NIPBL: variants seen among roughly 807,000 people sequenced by gnomAD.
The protein encoded by NIPBL is NIPBL cohesin loading factor.
Under a neutral mutation model 321.8 loss-of-function variants are expected in NIPBL, and 19 were observed. The observed-to-expected ratio is 0.06, with a 90% CI of 0.04 to 0.09. The LOEUF is 0.09. Ranked by LOEUF, NIPBL falls within the 10% of genes least tolerant of loss-of-function variation. The pLI, the probability that NIPBL is intolerant of heterozygous loss-of-function variation, is 1.00. For synonymous variants in NIPBL, 1,106 were observed against 1,114.1 expected, an observed-to-expected ratio of 0.99 and a Z score of 0.14; for missense variants, 2,210 against 3,327.0, an observed-to-expected ratio of 0.66 and a Z score of 8.26.
At chr5:37,018,066 C>T (rs918946506) in intron 24 of NIPBL, among the ~76,000 whole-genome samples, 9 of 152,078 alleles carry the variant, frequency 5.9e-5, no homozygotes, top group East Asian at 5.8e-4. Flanking sequence ...GTAACACCAA[C>T]ATTGAAATCA....
chr5:37,042,618 C>T (rs1292175156), intron 34 of NIPBL, among the ~76,000 whole-genome samples: 7 of 151,740 alleles, frequency 4.6e-5, no homozygotes, highest in African/African-American at 9.7e-5. Flanking sequence ...GGTGAAACCC[C>T]ATCTCTACTA....
chr5:36,887,719 G>A (rs1746022372), intron 1 of NIPBL, among the ~76,000 whole-genome samples: 1 of 151,996 alleles, frequency 6.6e-6, no homozygotes, highest in Non-Finnish European at 1.5e-5. Flanking sequence ...CTTGTTACAT[G>A]CTACCTGTGT....
chr5:36,885,292 C>T lies in NIPBL; in HGVS notation c.-80+8114C>T, dbSNP rs899608519. 20 of 500,862 alleles carry T rather than the reference C, an allele frequency of 4.0e-5. No homozygotes were observed. In the East Asian group the frequency reaches 8.0e-4, roughly 20 times the overall value. The allele number at this position is 500,862 out of a possible 1,614,324, so 31.0% of individuals were successfully genotyped here. ...CACCCAGCTATGGTGCCTGACTGGT[C>T]AGCAGTGCAGCCAGCGTCTATGCAG... On this transcript the variant is annotated intron_variant, in intron 1 of 46. Transcript: ENST00000282516.
Position 37,045,683 on chromosome 5 carries a change from A to C in NIPBL, c.6498+86A>C. On this transcript the variant is annotated intron_variant, in intron 37 of 46. Transcript: ENST00000282516. ...GAATGACAGTAGTGACCCAGGATGAAGGCAACATTAGAGTAGTCTGGTTTA... is the reference window on the plus strand; with the variant it reads ...GAATGACAGTAGTGACCCAGGATGACGGCAACATTAGAGTAGTCTGGTTTA... 5.2e-6 allele frequency: 7 copies of C among 1,356,494 alleles called. No individual in the cohort carries two copies. The South Asian group carries it at 8.2e-5, about 16-fold the overall frequency. The allele number at this position is 1,356,494 out of a possible 1,614,324, so 84.0% of individuals were successfully genotyped here.
Position 36,985,776 on chromosome 5 carries a change from C to G in NIPBL, c.2596C>G (p.Leu866Val). ...ATCTGATAGTTCAAAAACTGATAAA[C>G]TAGAACGAAAACACAGGCATGAATC... is the stretch of plus-strand genomic sequence containing the variant. ...IKSDSSKTDK[L>V]ERKHRHESGD... Residue 866 changes from leucine (L) to valine (V), a missense_variant, in exon 10 of 47, where the codon CTA becomes GTA. Coordinates refer to ENST00000282516, the MANE Select transcript of NIPBL (RefSeq NM_133433.4). The G allele has an allele frequency of 6.2e-7, 1 of 1,613,632 alleles. No individual in the cohort carries two copies. The highest frequency in any genetic ancestry group is 8.5e-7 in the Non-Finnish European group (1 of 1,179,888).
chr5:37,026,707 T>C (rs1750306815), intron 31 of NIPBL, among the ~76,000 whole-genome samples: 1 of 152,234 alleles, frequency 6.6e-6, no homozygotes, highest in African/African-American at 2.4e-5. Flanking sequence ...TTTTTTATTA[T>C]GCATAAGCTA....
intron 42 of NIPBL, 134 bp from the exon 43 acceptor site, chr5:37,057,052 C>T: frequency 1.2e-6 from 1 of 820,050 alleles, no homozygotes; most frequent in Non-Finnish European, 2.0e-6. Flanking sequence ...TCCCCACTCT[C>T]TCCGTGTGTG....
In NIPBL at chr5:36,963,236, A is replaced by T. The variant is rs114580084; in HGVS notation, c.610+962A>T. On this transcript the variant is annotated intron_variant, in intron 6 of 46. Coordinates refer to ENST00000282516, the MANE Select transcript of NIPBL (RefSeq NM_133433.4). ...TTTAAAGCAGAAAAGTGCAAAGGAT[A>T]ATATAAAAAACATCTTTATTTTTGT... is the stretch of plus-strand genomic sequence containing the variant. Among the ~76,000 whole-genome samples the T allele has an allele frequency of 8.1e-3, 1,234 of 152,254 alleles. 11 individuals are homozygous for T. Among genetic ancestry groups the T allele is most frequent in the African/African-American group, 0.028 (1,172 of 41,542 alleles).
At chr5:36,905,245 T>C (rs1747542711) in intron 1 of NIPBL, among the ~76,000 whole-genome samples, 1 of 152,220 alleles carries the variant, frequency 6.6e-6, no homozygotes, top group African/African-American at 2.4e-5. Flanking sequence ...GAGATAATAT[T>C]ACTGTAATGT....
intron 44 of NIPBL, among the ~76,000 whole-genome samples, chr5:37,060,516 A>C (rs981294110): frequency 6.6e-6 from 1 of 152,142 alleles, no homozygotes; most frequent in African/African-American, 2.4e-5. Context: ...ATAATTTAAA[A>C]CCTTGTAAGG....
At chr5:37,014,177 G>A (rs1044477659) in intron 21 of NIPBL, among the ~76,000 whole-genome samples, 31 of 152,200 alleles carry the variant, frequency 2.0e-4, no homozygotes, top group Admixed American at 1.7e-3. Context: ...GCTTCGGCTC[G>A]GCATCAGAGG....
At chr5:36,896,543 A>G (rs1208971981) in intron 1 of NIPBL, among the ~76,000 whole-genome samples, 3 of 152,140 alleles carry the variant, frequency 2.0e-5, no homozygotes, top group Non-Finnish European at 4.4e-5. Context: ...TTAAATCTTA[A>G]CAATCCAAGG....
chr5:37,036,872 T>G (rs1184235062), intron 33 of NIPBL, among the ~76,000 whole-genome samples: 1 of 152,022 alleles, frequency 6.6e-6, no homozygotes, highest in African/African-American at 2.4e-5. Flanking sequence ...TGAAATTGTT[T>G]TAGCTATTAT....
At chr5:36,997,301 T>C (rs1460317242) in intron 11 of NIPBL, among the ~76,000 whole-genome samples, 1 of 152,134 alleles carries the variant, frequency 6.6e-6, no homozygotes. Context: ...ACATTTCAAA[T>C]CCAGTTGACT....
chr5:37,001,296 A>C (rs1746770982), intron 14 of NIPBL, among the ~76,000 whole-genome samples: 1 of 152,108 alleles, frequency 6.6e-6, no homozygotes, highest in Non-Finnish European at 1.5e-5. Context: ...ACAAATACTT[A>C]AGGCTTAACT....
At position 36,961,531 on chromosome 5, in the gene NIPBL, A is replaced by G; in HGVS notation, c.406A>G (p.Ser136Gly). ...YKLSQNSMHS[S>G]PASSNYQQTT... ...ACTTTCTCAGAATTCCATGCACAGT[A>G]GTCCTGCATCTTCCAATTATCAACA... Residue 136 changes from serine (S) to glycine (G), a missense_variant, in exon 5 of 47, where the codon AGT becomes GGT. Physicochemically the swap from Ser to Gly is moderately conservative, Grantham distance 56. This residue lies in a region of NIPBL where 464 missense variants were observed against 529.5 expected (regional missense o/e 0.88). Coordinates refer to ENST00000282516, the MANE Select transcript of NIPBL (RefSeq NM_133433.4). The G allele has an allele frequency of 6.2e-7, 1 of 1,612,418 alleles. No homozygotes were observed.
intron 1 of NIPBL, among the ~76,000 whole-genome samples, chr5:36,891,047 C>T (rs1022627525): frequency 6.6e-6 from 1 of 152,076 alleles, no homozygotes; most frequent in Non-Finnish European, 1.5e-5. Flanking sequence ...GGGCGGATCA[C>T]GAAGTCAGGA....
intron 1 of NIPBL, among the ~76,000 whole-genome samples, chr5:36,946,764 A>G (rs1739731849): frequency 6.6e-6 from 1 of 152,136 alleles, no homozygotes; most frequent in African/African-American, 2.4e-5. Context: ...AAGAATACTG[A>G]CCTAGAGATC....
chr5:37,014,555 T>C, intron 21 of NIPBL, 128 bp from the exon 22 acceptor site: 1 of 612,646 alleles, frequency 1.6e-6, no homozygotes, highest in Non-Finnish European at 2.9e-6. Flanking sequence ...TCTTATTATA[T>C]ATAATGTAAT....
Sources: gnomAD v4.1 joint callset for allele counts (sites outside exome capture counted in the v4.1 genomes callset) on GRCh38, gnomAD v4.1.1 for gene constraint, gnomAD v4.1.1 regional missense constraint, MANE v1.5 for transcripts, NCBI Gene and HGNC (gene_info 2026-07-23, HGNC 2026-07-21) for gene names.